The following PI4K2A variants were observed in gnomAD, a reference collection of about 807,000 sequenced individuals.
The protein encoded by PI4K2A is phosphatidylinositol 4-kinase type 2-alpha.
PI4K2A carries 20 observed loss-of-function variants against 55.0 expected under a neutral mutation model. That is an observed-to-expected ratio of 0.36 (90% CI 0.26 to 0.53). The LOEUF (loss-of-function observed/expected upper bound fraction) is 0.53, where lower values mean the gene tolerates loss of function less well. Ranked by LOEUF, PI4K2A falls within the 20% of genes least tolerant of loss-of-function variation. The pLI is 0.91. For synonymous variants in PI4K2A, 235 were observed against 258.5 expected, an observed-to-expected ratio of 0.91 and a Z score of 0.87; for missense variants, 463 against 637.1, an observed-to-expected ratio of 0.73 and a Z score of 2.94.
chr10:97,670,560 G>T (rs17108297), intron 8 of PI4K2A, among the ~76,000 whole-genome samples: 1 of 152,032 alleles, frequency 6.6e-6, no homozygotes, highest in Non-Finnish European at 1.5e-5. Context: ...AGATACTCCC[G>T]CAATCTCCTT....
chr10:97,640,933 G>C, exon 1 of PI4K2A: 2 of 1,358,718 alleles, frequency 1.5e-6, no homozygotes, highest in Non-Finnish European at 1.9e-6. Flanking sequence ...CTGTTGGATC[G>C]GGCCCGGGGC....
In PI4K2A at chr10:97,656,211, A is replaced by G. The variant is rs1012856112; in HGVS notation, c.637-74A>G. 33 of 1,249,680 alleles carry G rather than the reference A, an allele frequency of 2.6e-5. No homozygotes were observed. The highest frequency in any genetic ancestry group is 7.3e-5 in the Admixed American group (4 of 55,026). The allele number at this position is 1,249,680 out of a possible 1,614,324, so 77.4% of individuals were successfully genotyped here. A position where few individuals can be genotyped will look rare whatever the true frequency, so the allele number is the denominator to read the frequency against. The stretch of plus-strand genomic sequence containing the variant: ...GAATAGGATTTGTGAACATCAAGCT[A>G]TTTATTCTCTGCCATAGTCTTCTGG... On this transcript the variant is annotated intron_variant, in intron 2 of 8. Transcript: ENST00000370631. This position sits in a 1 kb window ranked among gnomAD's most constrained non-coding sequence, Gnocchi z 4.5.
At chr10:97,659,157 C>T (rs1458052252) in intron 4 of PI4K2A, among the ~76,000 whole-genome samples, 1 of 152,164 alleles carries the variant, frequency 6.6e-6, no homozygotes, top group Non-Finnish European at 1.5e-5. Context: ...ACCTCTGCCA[C>T]CCGAGTAGCT....
At chr10:97,646,972 G>A (rs2041508218) in intron 1 of PI4K2A, among the ~76,000 whole-genome samples, 1 of 151,800 alleles carries the variant, frequency 6.6e-6, no homozygotes, top group South Asian at 2.1e-4. Flanking sequence ...TGTAGAGATG[G>A]GGTTTCACCA....
exon 1 of PI4K2A, chr10:97,640,981 A>G (rs1296135389): frequency 2.4e-5 from 36 of 1,528,606 alleles, no homozygotes; most frequent in Non-Finnish European, 2.6e-5. Context: ...GTGGCGGCGC[A>G]GGCCCAGGCT....
chr10:97,667,210 AC>A (rs151275374), intron 8 of PI4K2A, 90 bp downstream of exon 8: 2,833 of 748,788 alleles, frequency 3.8e-3, no homozygotes, highest in South Asian at 7.2e-3. Flanking sequence ...TGTGTTTTAT[AC>A]CCCCCCCTTT....
chr10:97,641,850 C>T (rs555109608), intron 1 of PI4K2A, among the ~76,000 whole-genome samples: 1 of 152,254 alleles, frequency 6.6e-6, no homozygotes, highest in African/African-American at 2.4e-5. Context: ...TCTTTCATTT[C>T]TCTCCCAGGG....
chr10:97,674,044 C>A, exon 9 of PI4K2A: 1 of 320,414 alleles, frequency 3.1e-6, no homozygotes, highest in Non-Finnish European at 5.7e-6. Context: ...CCTTCCTTCC[C>A]TGAAACCCTG....
intron 8 of PI4K2A, among the ~76,000 whole-genome samples, chr10:97,671,906 G>A (rs777916846): frequency 6.6e-6 from 1 of 152,036 alleles, no homozygotes; most frequent in Non-Finnish European, 1.5e-5. Flanking sequence ...CGCCCACTTC[G>A]GCCTCCCAAA....
At chr10:97,650,044 G>T (rs558932266) in intron 1 of PI4K2A, among the ~76,000 whole-genome samples, 1 of 152,168 alleles carries the variant, frequency 6.6e-6, no homozygotes, top group African/African-American at 2.4e-5. Flanking sequence ...TAAATTTCTG[G>T]CATACCACAT....
chr10:97,658,306 C>T (rs1016146571), intron 4 of PI4K2A, among the ~76,000 whole-genome samples: 2 of 152,288 alleles, frequency 1.3e-5, no homozygotes, highest in East Asian at 1.9e-4. Flanking sequence ...TTTGGTGATT[C>T]GCTTATTCAC....
At chr10:97,649,358 A>C (rs1055966861) in intron 1 of PI4K2A, among the ~76,000 whole-genome samples, 1 of 152,210 alleles carries the variant, frequency 6.6e-6, no homozygotes, top group Non-Finnish European at 1.5e-5. Flanking sequence ...GGAGGGCCAT[A>C]GTTTCTAGGC....
chr10:97,669,057 G>A (rs2041623615), intron 8 of PI4K2A, among the ~76,000 whole-genome samples: 1 of 152,086 alleles, frequency 6.6e-6, no homozygotes. Flanking sequence ...GTAGAGATGG[G>A]GTTTCACCAT....
Position 97,650,926 on chromosome 10 carries a change from C to G in PI4K2A, c.436-15C>G. On this transcript the variant is annotated splice_polypyrimidine_tract_variant and intron_variant, in intron 1 of 8. Coordinates refer to ENST00000370631, the Ensembl canonical transcript of PI4K2A. ...AACTCGGATTTAACATCCTCTTTTT[C>G]TTTGGTCTCTGTAGAGGATCATTGC... 6.3e-7 allele frequency: 1 copy of G among 1,591,104 alleles called. No individual in the cohort carries two copies. Among genetic ancestry groups the G allele is most frequent in the Non-Finnish European group, 8.6e-7 (1 of 1,163,310 alleles).
intron 4 of PI4K2A, 92 bp downstream of exon 4, chr10:97,657,066 C>T: frequency 7.9e-7 from 1 of 1,271,624 alleles, no homozygotes; most frequent in East Asian, 2.3e-5. Flanking sequence ...AGTCAGAGTA[C>T]CTTGTCCAGA....
chr10:97,649,964 T>C (rs1166287736), intron 1 of PI4K2A, among the ~76,000 whole-genome samples: 1 of 152,128 alleles, frequency 6.6e-6, no homozygotes, highest in Non-Finnish European at 1.5e-5. Context: ...GTAAAGTTTT[T>C]AGTCTTTCTG....
At chr10:97,661,397 A>G (rs556008500) in intron 4 of PI4K2A, among the ~76,000 whole-genome samples, 20 of 151,326 alleles carry the variant, frequency 1.3e-4, no homozygotes, top group Non-Finnish European at 2.8e-4. Flanking sequence ...TTTCAGTATA[A>G]TCAGTATTTA....
chr10:97,642,890 TTCCTTCCTTC>T (rs2041484369), intron 1 of PI4K2A, among the ~76,000 whole-genome samples: 11 of 127,890 alleles, frequency 8.6e-5, no homozygotes, highest in South Asian at 2.6e-4. Flanking sequence ...TCTTTCTTCC[TTCCTTCCTTC>T]CTTCCTTCCT....
intron 1 of PI4K2A, among the ~76,000 whole-genome samples, chr10:97,642,820 TTCC>T (rs1161940854): frequency 2.6e-3 from 9 of 3,512 alleles, no homozygotes; most frequent in South Asian, 0.016. Context: ...CCTTCCTTCC[TTCC>T]TTCCTTCCTT....
Sources: allele counts gnomAD v4.1 joint callset (sites outside exome capture counted in the v4.1 genomes callset), GRCh38; gene constraint gnomAD v4.1.1; non-coding constraint Gnocchi (gnomAD v3.1); transcripts MANE v1.5; gene names NCBI Gene and HGNC (gene_info 2026-07-23, HGNC 2026-07-21).